Variants in VPS13A observed in about 807,000 individuals in gnomAD.
The protein encoded by VPS13A is intermembrane lipid transfer protein VPS13A.
In VPS13A, 264 loss-of-function variants were observed where a neutral mutation model predicts 390.9. That is an observed-to-expected ratio of 0.68 (90% confidence interval 0.61 to 0.75). The LOEUF is 0.75. Among genes scored for constraint, VPS13A ranks in the 30% least tolerant of loss-of-function variants. The pLI is 0.00. For missense variants in VPS13A, 3,409 were observed against 3,733.9 expected (o/e 0.91, Z 2.27); for synonymous variants, 1,231 against 1,227.1 (o/e 1.00, Z -0.07).
rs775897013 is a variant in VPS13A at position 77,323,035 on chromosome 9, T to C, written c.5831-32T>C. On this transcript the variant is annotated intron_variant, in intron 44 of 71. Coordinates refer to ENST00000360280, the MANE Select transcript of VPS13A (RefSeq NM_033305.3). ...AAAATTAATATGTAATGAATTATAA[T>C]AAAAACTTTTAAACATACTTACTTA... is the stretch of plus-strand genomic sequence containing the variant. 9.9e-6 allele frequency: 15 copies of C among 1,515,146 alleles called. No homozygotes were observed. In the South Asian group the frequency reaches 1.8e-4, roughly 18 times the overall value. 93.9% of individuals were successfully genotyped at this position (1,515,146 alleles called of 1,614,324 possible). A position where few individuals can be genotyped will look rare whatever the true frequency, so the allele number is the denominator to read the frequency against.
chr9:77,374,018 A>G (rs550663804), intron 67 of VPS13A, among the ~76,000 whole-genome samples: 12 of 152,370 alleles, frequency 7.9e-5, no homozygotes, highest in South Asian at 4.1e-4. Flanking sequence ...GTTTAAATAC[A>G]TTAATGCTAT....
chr9:77,299,150 T>A (rs977983014), intron 33 of VPS13A, among the ~76,000 whole-genome samples: 1 of 152,220 alleles, frequency 6.6e-6, no homozygotes, highest in Non-Finnish European at 1.5e-5. Context: ...TATGCTGTTT[T>A]GGTTACTGTA....
chr9:77,213,129 T>TTTAA (rs1234039811), intron 8 of VPS13A, 101 bp downstream of exon 8: 6 of 1,548,056 alleles, frequency 3.9e-6, no homozygotes, highest in Non-Finnish European at 5.3e-6. Context: ...TGCTTATTTG[T>TTTAA]TTAACTCTGT....
chr9:77,286,218 G>A (rs1366829348), intron 31 of VPS13A, among the ~76,000 whole-genome samples: 1 of 152,108 alleles, frequency 6.6e-6, no homozygotes, highest in Non-Finnish European at 1.5e-5. Context: ...GTCTGTGTCT[G>A]GAGAGTGGCC....
chr9:77,344,332 C>T (rs1831021977), intron 51 of VPS13A, 51 bp downstream of exon 51: 9 of 1,571,184 alleles, frequency 5.7e-6, no homozygotes, highest in Non-Finnish European at 7.9e-6. Context: ...CTAAAATATA[C>T]TGACTAGTAT....
chr9:77,211,927 G>A (rs1825995341), intron 7 of VPS13A, among the ~76,000 whole-genome samples: 1 of 152,126 alleles, frequency 6.6e-6, no homozygotes, highest in Non-Finnish European at 1.5e-5. Flanking sequence ...GGTGGCATTC[G>A]ATTCTCGTAG....
intron 13 of VPS13A, among the ~76,000 whole-genome samples, chr9:77,224,279 CT>C (rs1823384446): frequency 6.6e-6 from 1 of 152,158 alleles, no homozygotes; most frequent in Non-Finnish European, 1.5e-5. Flanking sequence ...GTAATTTTAA[CT>C]TTCAAGTCTT....
chr9:77,376,294 C>T (rs992892931), intron 67 of VPS13A, among the ~76,000 whole-genome samples: 2 of 152,148 alleles, frequency 1.3e-5, no homozygotes, highest in Non-Finnish European at 2.9e-5. Flanking sequence ...TCGGCAAGCC[C>T]CTGTAAGGAC....
At chr9:77,282,080 A>G (rs769209622) in intron 28 of VPS13A, 41 bp from the exon 29 acceptor site, 2 of 1,602,454 alleles carry the variant, frequency 1.2e-6, no homozygotes, top group Admixed American at 1.7e-5. Context: ...TGGCAAGCAA[A>G]TATTTATTGA....
chr9:77,267,786 T>G (rs1826120749), intron 23 of VPS13A, among the ~76,000 whole-genome samples: 1 of 152,158 alleles, frequency 6.6e-6, no homozygotes, highest in Non-Finnish European at 1.5e-5. Flanking sequence ...TTCCCCCAGG[T>G]GCTCCGTCCC....
intron 34 of VPS13A, 78 bp downstream of exon 34, chr9:77,303,140 A>G (rs1181642848): frequency 6.7e-7 from 1 of 1,494,354 alleles, no homozygotes; most frequent in African/African-American, 1.4e-5. Flanking sequence ...GCATCATTTG[A>G]GTGGAATTTG....
At position 77,187,067 on chromosome 9, in the gene VPS13A, A is replaced by C. The variant is rs182260727; in HGVS notation, c.100+9263A>C. On this transcript the variant is annotated intron_variant, in intron 1 of 71. Coordinates refer to ENST00000360280, the MANE Select transcript of VPS13A (RefSeq NM_033305.3). Reference sequence around the variant, plus strand: ...TGTAGGAAATGTCAGCATTTCAATAATTTTTCAAGCTAAATAGTATCCCAT... The same window carrying C: ...TGTAGGAAATGTCAGCATTTCAATACTTTTTCAAGCTAAATAGTATCCCAT... Among the ~76,000 whole-genome samples the C allele has an allele frequency of 2.5e-4, 38 of 152,270 alleles. No individual in the cohort carries two copies. In the East Asian group the frequency reaches 6.9e-3, roughly 28 times the overall value.
At chr9:77,212,451 A>G (rs1315031117) in intron 7 of VPS13A, among the ~76,000 whole-genome samples, 2 of 152,112 alleles carry the variant, frequency 1.3e-5, no homozygotes, top group South Asian at 2.1e-4. Flanking sequence ...CTCTTTATCC[A>G]TCACACCCCT....
chr9:77,373,846 C>T (rs1394524305), intron 67 of VPS13A, among the ~76,000 whole-genome samples: 11 of 152,038 alleles, frequency 7.2e-5, no homozygotes, highest in Admixed American at 2.0e-4. Flanking sequence ...AGACACTTCT[C>T]AAAAGAAGAC....
chr9:77,400,929 T>C (rs964530792), intron 68 of VPS13A, among the ~76,000 whole-genome samples: 1 of 152,146 alleles, frequency 6.6e-6, no homozygotes, highest in Non-Finnish European at 1.5e-5. Context: ...ATAGGGTATA[T>C]AGAGAGAAGG....
chr9:77,199,826 A>G, intron 1 of VPS13A, 119 bp from the exon 2 acceptor site: 1 of 760,834 alleles, frequency 1.3e-6, no homozygotes, highest in Non-Finnish European at 2.1e-6. Context: ...AGATTATATT[A>G]TCTGTTATGC....
At chr9:77,201,459 A>G (rs1825326142) in intron 3 of VPS13A, 52 bp downstream of exon 3, 1 of 1,398,704 alleles carries the variant, frequency 7.1e-7, no homozygotes, top group Non-Finnish European at 1.0e-6. Context: ...TGCAGCCAGA[A>G]TAATTTGCCT....
chr9:77,335,640 AAAC>A (rs1441460126), intron 46 of VPS13A, among the ~76,000 whole-genome samples: 3 of 152,236 alleles, frequency 2.0e-5, no homozygotes, highest in Non-Finnish European at 2.9e-5. Context: ...ATGCAAATCA[AAAC>A]AACAACAAGA....
intron 34 of VPS13A, among the ~76,000 whole-genome samples, chr9:77,303,491 G>T (rs965471433): frequency 2.0e-5 from 3 of 152,166 alleles, no homozygotes; most frequent in African/African-American, 7.2e-5. Flanking sequence ...ACTGAGAAAA[G>T]AAATAAGACA....
Sources: gnomAD v4.1 joint callset for allele counts (sites outside exome capture counted in the v4.1 genomes callset) on GRCh38, gnomAD v4.1.1 for gene constraint, MANE v1.5 for transcripts, NCBI Gene and HGNC (gene_info 2026-07-23, HGNC 2026-07-21) for gene names.